PXK: variants seen among roughly 807,000 people sequenced by gnomAD.
The protein encoded by PXK is PX domain-containing protein kinase-like protein.
PXK carries 35 observed loss-of-function variants against 84.7 expected under a neutral mutation model. The ratio of observed to expected loss-of-function variants is 0.41; its 90% CI spans 0.32 to 0.55. The LOEUF (loss-of-function observed/expected upper bound fraction) is 0.55. PXK is among the 20% of genes least tolerant of loss of function. The pLI is 0.21. For synonymous variants in PXK, 253 were observed against 260.8 expected, an observed-to-expected ratio of 0.97 and a Z score of 0.29; for missense variants, 634 against 699.7, an observed-to-expected ratio of 0.91 and a Z score of 1.06.
chr3:58,338,565 G>T (rs1481753003), intron 1 of PXK, among the ~76,000 whole-genome samples: 1 of 152,084 alleles, frequency 6.6e-6, no homozygotes, highest in Non-Finnish European at 1.5e-5. Context: ...GACGGTTGCA[G>T]TGAGCCAAGA....
At chr3:58,391,950 A>G (rs1003638304) in intron 7 of PXK, 103 bp downstream of exon 7, 1 of 1,077,638 alleles carries the variant, frequency 9.3e-7, no homozygotes, top group Non-Finnish European at 1.4e-6. Flanking sequence ...ATGGGGAGAT[A>G]CAGTGGATTT....
chr3:58,345,329 C>T (rs908001833), intron 1 of PXK, among the ~76,000 whole-genome samples: 1 of 152,102 alleles, frequency 6.6e-6, no homozygotes, highest in Admixed American at 6.6e-5. Context: ...GGGAATGGTA[C>T]AGACTCTCTG....
At chr3:58,337,441 G>T (rs1321004439) in intron 1 of PXK, among the ~76,000 whole-genome samples, 5 of 152,088 alleles carry the variant, frequency 3.3e-5, no homozygotes, top group African/African-American at 1.2e-4. Context: ...GACAGCTCCT[G>T]CATCCATGGA....
chr3:58,374,896 G>C (rs1292699412), intron 3 of PXK, among the ~76,000 whole-genome samples: 1 of 151,988 alleles, frequency 6.6e-6, no homozygotes, highest in East Asian at 1.9e-4. Context: ...TTTTTTGTGA[G>C]ATCTTAAACT....
At chr3:58,349,047 G>A (rs1329983831) in intron 1 of PXK, among the ~76,000 whole-genome samples, 1 of 152,110 alleles carries the variant, frequency 6.6e-6, no homozygotes, top group African/African-American at 2.4e-5. Context: ...CATATTGCTT[G>A]TGGCTACTAG....
chr3:58,413,073 C>A, intron 17 of PXK, 110 bp downstream of exon 17: 1 of 1,213,334 alleles, frequency 8.2e-7, no homozygotes, highest in Non-Finnish European at 1.2e-6. Context: ...ATAGCAGCAG[C>A]TTTCTCAAGA....
At position 58,414,026 on chromosome 3, in the gene PXK, A is replaced by G. The variant is rs1047732885; in HGVS notation, c.1528+1063A>G. On this transcript the variant is annotated intron_variant, in intron 17 of 17. Coordinates refer to ENST00000356151, the MANE Select transcript of PXK (RefSeq NM_017771.5). The surrounding 1 kb of genome is among the most constrained non-coding windows in gnomAD (Gnocchi z 4.5). ...GTTCTAGGGCCTGTTTTGGGTAGCAAAGTACCTGGTCCATGGGAGGATATT... is the reference window on the plus strand; with the variant it reads ...GTTCTAGGGCCTGTTTTGGGTAGCAGAGTACCTGGTCCATGGGAGGATATT... 3.3e-5 allele frequency: 5 copies of G among 152,146 alleles called. No individual in the cohort carries two copies. The highest frequency in any genetic ancestry group is 1.2e-4 in the African/African-American group (5 of 41,420). 9.4% of individuals were successfully genotyped at this position (152,146 alleles called of 1,614,324 possible).
In PXK at chr3:58,424,775, C is replaced by A; in HGVS notation, c.1552C>A (p.Pro518Thr). ...TSGISALPPP[P>T]PPPPPPAAPL... is the part of the protein sequence containing the mutation. ...AGGGATATCTGCATTACCTCCACCTCCTCCACCTCCACCACCACCAGCAGC... is the reference window on the plus strand; with the variant it reads ...AGGGATATCTGCATTACCTCCACCTACTCCACCTCCACCACCACCAGCAGC... Residue 518 changes from proline to threonine, a missense_variant, in exon 18 of 18, where the codon CCT becomes ACT. Around this residue, in one of 3 missense-constraint regions of PXK, gnomAD observed 273 missense variants for 283.6 expected, o/e 0.96. Coordinates refer to ENST00000356151, the MANE Select transcript of PXK (RefSeq NM_017771.5). 6.2e-7 allele frequency: 1 copy of A among 1,613,986 alleles called. No individual in the cohort carries two copies. The highest frequency in any genetic ancestry group is 8.5e-7 in the Non-Finnish European group (1 of 1,179,970).
intron 1 of PXK, among the ~76,000 whole-genome samples, chr3:58,340,168 TG>T (rs1482012961): frequency 6.7e-6 from 1 of 150,158 alleles, no homozygotes; most frequent in East Asian, 2.0e-4. Context: ...TCAGCCAGGC[TG>T]GAGGGCAGTG....
At chr3:58,418,513 T>G (rs567872853) in intron 17 of PXK, among the ~76,000 whole-genome samples, 2 of 152,190 alleles carry the variant, frequency 1.3e-5, no homozygotes, top group Non-Finnish European at 2.9e-5. Context: ...TGTTGGCTGG[T>G]GTGAAAAGAA....
rs778066122 is a variant in PXK at position 58,365,929 on chromosome 3, G to A, written c.153+5G>A. ...TCTGTGGAAAACAGCTGGCAGGTAA[G>A]CATCTTTTTTTTTTTTTTTGTCAAT... On this transcript the variant is annotated splice_donor_5th_base_variant and intron_variant, in intron 2 of 17. Coordinates refer to ENST00000356151, the MANE Select transcript of PXK (RefSeq NM_017771.5). 5 of 1,520,116 alleles carry A rather than the reference G, an allele frequency of 3.3e-6. No homozygotes were observed. Among genetic ancestry groups the A allele is most frequent in the Middle Eastern group, 1.9e-4 (1 of 5,360 alleles). 94.2% of individuals were successfully genotyped at this position (1,520,116 alleles called of 1,614,324 possible).
chr3:58,362,148 T>A (rs1309364876), intron 1 of PXK, among the ~76,000 whole-genome samples: 1 of 152,240 alleles, frequency 6.6e-6, no homozygotes, highest in East Asian at 1.9e-4. Context: ...TTCTTATTAT[T>A]TGCCCATTTT....
Position 58,397,796 on chromosome 3 carries a change from AG to A in PXK, c.1102+76del. 8.1e-7 allele frequency: 1 copy of A among 1,240,688 alleles called. No individual in the cohort carries two copies. Among genetic ancestry groups the A allele is most frequent in the African/African-American group, 1.5e-5 (1 of 67,376 alleles). The allele number at this position is 1,240,688 out of a possible 1,614,324, so 76.9% of individuals were successfully genotyped here. On this transcript the variant is annotated intron_variant, in intron 11 of 17. Transcript: ENST00000356151. The surrounding 1 kb of genome is among the most constrained non-coding windows in gnomAD (Gnocchi z 4.7). ...GCCACTCATCCCCTTTCCAGAGTCC[AG>A]GAAAGACCCAGAGGAAGTTGCTGTC...
chr3:58,346,011 A>T (rs114540100), intron 1 of PXK, among the ~76,000 whole-genome samples: 1 of 152,218 alleles, frequency 6.6e-6, no homozygotes, highest in Non-Finnish European at 1.5e-5. Context: ...CATTCAGCAG[A>T]TACTGCTGTG....
intron 13 of PXK, among the ~76,000 whole-genome samples, chr3:58,405,972 A>AT (rs59301727): frequency 0.13 from 19,601 of 151,328 alleles, 1,942 homozygotes; most frequent in African/African-American, 0.27. Flanking sequence ...TTTTTTAAAT[A>AT]TTTTTTTTTC....
intron 2 of PXK, among the ~76,000 whole-genome samples, chr3:58,366,139 C>T (rs2098268343): frequency 6.6e-6 from 1 of 152,094 alleles, no homozygotes; most frequent in African/African-American, 2.4e-5. Flanking sequence ...ATTGATATTA[C>T]TATGGAGGGT....
At chr3:58,363,901 A>G (rs1174670112) in intron 1 of PXK, among the ~76,000 whole-genome samples, 2 of 152,152 alleles carry the variant, frequency 1.3e-5, no homozygotes, top group Non-Finnish European at 2.9e-5. Flanking sequence ...CATCAACTTA[A>G]GAAAGTGTCC....
At chr3:58,392,835 T>A (rs2098644889) in intron 7 of PXK, among the ~76,000 whole-genome samples, 1 of 151,930 alleles carries the variant, frequency 6.6e-6, no homozygotes, top group African/African-American at 2.4e-5. Context: ...CTAATTTTTG[T>A]ATTTTTAGTA....
chr3:58,338,834 C>A (rs1457094542), intron 1 of PXK, among the ~76,000 whole-genome samples: 1 of 151,862 alleles, frequency 6.6e-6, no homozygotes, highest in Non-Finnish European at 1.5e-5. Flanking sequence ...AGACGCCCAC[C>A]ACCACACCCG....
Sources: allele counts gnomAD v4.1 joint callset (sites outside exome capture counted in the v4.1 genomes callset), GRCh38; gene constraint gnomAD v4.1.1; regional missense constraint gnomAD v4.1.1; non-coding constraint Gnocchi (gnomAD v3.1); transcripts MANE v1.5; gene names NCBI Gene and HGNC (gene_info 2026-07-23, HGNC 2026-07-21).